The following TUSC3 variants were observed in gnomAD, a reference collection of about 807,000 sequenced individuals.
TUSC3 encodes the protein dolichyl-diphosphooligosaccharide--protein glycosyltransferase subunit TUSC3.
A neutral mutation model predicts 44.8 loss-of-function variants in TUSC3; 45 were observed. The observed-to-expected ratio is 1.00, with a 90% CI of 0.79 to 1.29. The LOEUF is 1.29. Ranked by LOEUF, TUSC3 falls within the 50% of genes most tolerant of loss-of-function variation. TUSC3 has a pLI of 0.00. For missense variants in TUSC3, 519 were observed against 437.9 expected (o/e 1.19, Z -1.65); for synonymous variants, 212 against 152.9 (o/e 1.39, Z -2.85).
chr8:15,525,960 G>A (rs576602092), intron 2 of TUSC3, among the ~76,000 whole-genome samples: 1 of 152,258 alleles, frequency 6.6e-6, no homozygotes, highest in African/African-American at 2.4e-5. Flanking sequence ...TAATTATTTT[G>A]GCTGTAGGGA....
At chr8:15,836,671 A>G in the TUSC3 span, among the ~76,000 whole-genome samples, 6 of 152,002 alleles carry the variant, frequency 3.9e-5, no homozygotes, top group African/African-American at 1.2e-4. Flanking sequence ...TAATCTATCT[A>G]TCTTCCTTCC....
At chr8:15,644,395 G>C (rs1372159461) in intron 2 of TUSC3, among the ~76,000 whole-genome samples, 1 of 152,168 alleles carries the variant, frequency 6.6e-6, no homozygotes, top group Non-Finnish European at 1.5e-5. Flanking sequence ...ATATTTTTCA[G>C]TTAATAGTGT....
At chr8:15,801,680 G>A in the TUSC3 span, among the ~76,000 whole-genome samples, 1 of 152,144 alleles carries the variant, frequency 6.6e-6, no homozygotes, top group Non-Finnish European at 1.5e-5. Context: ...TGAGGGTTGT[G>A]AGAGCTGTAT....
At chr8:15,643,760 A>G (rs566124306) in intron 2 of TUSC3, among the ~76,000 whole-genome samples, 1 of 152,190 alleles carries the variant, frequency 6.6e-6, no homozygotes, top group Non-Finnish European at 1.5e-5. Flanking sequence ...CCTGATATGT[A>G]TAGCGCAACC....
intron 3 of TUSC3, among the ~76,000 whole-genome samples, chr8:15,652,085 C>T (rs751794717): frequency 3.3e-5 from 5 of 152,190 alleles, no homozygotes; most frequent in African/African-American, 7.2e-5. Context: ...CTTAATCATG[C>T]TGTTACCCTG....
At chr8:15,837,255 C>G in the TUSC3 span, among the ~76,000 whole-genome samples, 36 of 152,068 alleles carry the variant, frequency 2.4e-4, no homozygotes, top group African/African-American at 8.2e-4. Flanking sequence ...ATTAAGATAA[C>G]TGAAATCATT....
chr8:15,485,973 T>C (rs1260293267), intron 2 of TUSC3, among the ~76,000 whole-genome samples: 5 of 152,062 alleles, frequency 3.3e-5, no homozygotes, highest in Admixed American at 6.6e-5. Flanking sequence ...TTTGTATATT[T>C]AGTAGAGTCG....
chr8:15,423,090 G>T (rs904989776), intron 1 of TUSC3, among the ~76,000 whole-genome samples: 2 of 151,848 alleles, frequency 1.3e-5, no homozygotes, highest in Non-Finnish European at 2.9e-5. Context: ...AATGTTAAAA[G>T]TTTTTTTTAA....
At chr8:15,498,989 C>T (rs2129126689) in intron 2 of TUSC3, among the ~76,000 whole-genome samples, 1 of 152,220 alleles carries the variant, frequency 6.6e-6, no homozygotes, top group Non-Finnish European at 1.5e-5. Context: ...GGAACTAGTC[C>T]TGAGAGTAGG....
chr8:15,566,239 C>T (rs1802666408), intron 1 of TUSC3, among the ~76,000 whole-genome samples: 1 of 152,054 alleles, frequency 6.6e-6, no homozygotes, highest in Non-Finnish European at 1.5e-5. Context: ...ATTCAGAAGC[C>T]ATTCTTTAGT....
At chr8:15,745,536 G>T (rs1811377768) in intron 8 of TUSC3, among the ~76,000 whole-genome samples, 1 of 151,856 alleles carries the variant, frequency 6.6e-6, no homozygotes, top group Non-Finnish European at 1.5e-5. Flanking sequence ...GTTTTGATTT[G>T]CATTTCTCTG....
chr8:15,665,557 T>C (rs1030734562), intron 5 of TUSC3, among the ~76,000 whole-genome samples: 1 of 151,058 alleles, frequency 6.6e-6, no homozygotes, highest in Non-Finnish European at 1.5e-5. Flanking sequence ...GTGGAAGTTA[T>C]ATGTTTTAGG....
At chr8:15,446,398 G>T (rs907813805) in intron 1 of TUSC3, among the ~76,000 whole-genome samples, 3 of 152,068 alleles carry the variant, frequency 2.0e-5, no homozygotes, top group African/African-American at 7.2e-5. Flanking sequence ...GGAGGTTGTA[G>T]CGAGTCGAGA....
the TUSC3 span, among the ~76,000 whole-genome samples, chr8:15,846,064 C>A: frequency 6.6e-6 from 1 of 152,054 alleles, no homozygotes; most frequent in Non-Finnish European, 1.5e-5. Context: ...TTCACTATCA[C>A]AAGAATAGCA....
intron 1 of TUSC3, among the ~76,000 whole-genome samples, chr8:15,616,113 T>C (rs1278194476): frequency 6.6e-6 from 1 of 152,128 alleles, no homozygotes; most frequent in African/African-American, 2.4e-5. Context: ...AGTAGATAAT[T>C]TAGTGTGGTA....
intron 1 of TUSC3, among the ~76,000 whole-genome samples, chr8:15,452,242 T>G (rs1464745751): frequency 6.6e-6 from 1 of 152,210 alleles, no homozygotes; most frequent in Non-Finnish European, 1.5e-5. Flanking sequence ...ATGAAAAATT[T>G]TCGCTGACTT....
chr8:15,433,718 C>T (rs564989520), intron 1 of TUSC3, among the ~76,000 whole-genome samples: 4 of 152,182 alleles, frequency 2.6e-5, no homozygotes, highest in African/African-American at 7.2e-5. Flanking sequence ...CTTTGCCTGC[C>T]TTTGTTTGCT....
At chr8:15,645,123 C>T (rs1261208924) in intron 2 of TUSC3, among the ~76,000 whole-genome samples, 1 of 152,116 alleles carries the variant, frequency 6.6e-6, no homozygotes, top group African/African-American at 2.4e-5. Flanking sequence ...TCATTTTCTT[C>T]TCCTCCAATA....
At chr8:15,809,427 G>T in the TUSC3 span, among the ~76,000 whole-genome samples, 3 of 152,054 alleles carry the variant, frequency 2.0e-5, no homozygotes, top group African/African-American at 7.2e-5. Context: ...CAAAAATGAA[G>T]TTAGTTATGT....
Sources: gnomAD v4.1 joint callset for allele counts (sites outside exome capture counted in the v4.1 genomes callset) on GRCh38, gnomAD v4.1.1 for gene constraint, MANE v1.5 for transcripts, NCBI Gene and HGNC (gene_info 2026-07-23, HGNC 2026-07-21) for gene names.